CNNM2: variants seen among roughly 807,000 people sequenced by gnomAD.
CNNM2 encodes cyclin and CBS domain divalent metal cation transport mediator 2, also known as metal transporter CNNM2.
In CNNM2, 12 loss-of-function variants were observed where a neutral mutation model predicts 66.9. The observed-to-expected ratio is 0.18, with a 90% CI of 0.11 to 0.29. CNNM2 has a LOEUF of 0.29. Among genes scored for constraint, CNNM2 ranks in the 10% least tolerant of loss-of-function variants. The pLI, the probability that CNNM2 is intolerant of heterozygous loss-of-function variation, is 1.00. For missense variants in CNNM2, 705 were observed against 1,167.7 expected, an observed-to-expected ratio of 0.60 and a Z score of 5.77; for synonymous variants, 557 against 501.8, an observed-to-expected ratio of 1.11 and a Z score of -1.47.
chr10:102,960,572 G>C (rs2063363398), intron 1 of CNNM2, among the ~76,000 whole-genome samples: 1 of 151,926 alleles, frequency 6.6e-6, no homozygotes, highest in African/African-American at 2.4e-5. Context: ...ATTACACCGG[G>C]TTGTAATTTT....
chr10:102,925,352 G>C (rs2134159235), intron 1 of CNNM2, among the ~76,000 whole-genome samples: 1 of 133,606 alleles, frequency 7.5e-6, no homozygotes, highest in African/African-American at 2.7e-5. Flanking sequence ...CTTAATAAGA[G>C]TAAGGTCTTA....
intron 1 of CNNM2, among the ~76,000 whole-genome samples, chr10:103,003,139 G>A (rs568873641): frequency 6.9e-6 from 1 of 145,440 alleles, no homozygotes; most frequent in South Asian, 2.1e-4. Flanking sequence ...TTTAATAGGA[G>A]TCTCACTCTG....
intron 1 of CNNM2, among the ~76,000 whole-genome samples, chr10:102,932,220 T>A (rs74741974): frequency 1.3e-5 from 2 of 152,068 alleles, no homozygotes; most frequent in African/African-American, 2.4e-5. Flanking sequence ...TTTTTTTTTT[T>A]AACTCATTTT....
intron 1 of CNNM2, among the ~76,000 whole-genome samples, chr10:103,041,985 C>T (rs148733446): frequency 1.0e-3 from 157 of 152,264 alleles, no homozygotes; most frequent in Middle Eastern, 6.8e-3. Context: ...ACCTCTGTGT[C>T]TCTCTCTCTT....
chr10:103,009,102 C>T (rs557670719), intron 1 of CNNM2, among the ~76,000 whole-genome samples: 1 of 152,074 alleles, frequency 6.6e-6, no homozygotes, highest in African/African-American at 2.4e-5. Context: ...CATGGAGAAA[C>T]CCTGTCTCTA....
rs1246142915 is a variant in CNNM2, at chr10:102,933,359, CTAAG to C, written c.1621+13261_1621+13264del. Among the ~76,000 whole-genome samples, 1 of 152,018 alleles carries C rather than the reference CTAAG, an allele frequency of 6.6e-6. No homozygotes were observed. The highest frequency in any genetic ancestry group is 2.4e-5 in the African/African-American group (1 of 41,374). On this transcript the variant is annotated intron_variant, in intron 1 of 7. Coordinates refer to ENST00000369878, the MANE Select transcript of CNNM2 (RefSeq NM_017649.5). ...TGCAATCCTTTTGTTAAACTTATTC[CTAAG>C]TATTTTATTTTTTGATGCTATTATA... is the stretch of plus-strand genomic sequence containing the variant.
intron 1 of CNNM2, among the ~76,000 whole-genome samples, chr10:102,939,690 A>G (rs989500152): frequency 6.6e-6 from 1 of 152,152 alleles, no homozygotes; most frequent in Non-Finnish European, 1.5e-5. Flanking sequence ...CATAATAAAG[A>G]ACTGGCGGCC....
chr10:102,974,153 A>G lies in CNNM2; in HGVS notation c.1621+54052A>G, dbSNP rs187078822. On this transcript the variant is annotated intron_variant, in intron 1 of 7. Transcript: ENST00000369878. ...TTTGAAATTCTCTTCTTCACTTCAG[A>G]TGGAGGTGTGGGAGGGGATGTGTGG... Among the ~76,000 whole-genome samples, 6 of 152,206 alleles carry G rather than the reference A, an allele frequency of 3.9e-5. No individual in the cohort carries two copies. In the East Asian group the frequency reaches 1.2e-3, roughly 29 times the overall value.
chr10:102,960,172 C>T (rs923211172), intron 1 of CNNM2, among the ~76,000 whole-genome samples: 16 of 152,174 alleles, frequency 1.1e-4, no homozygotes, highest in East Asian at 5.8e-4. Context: ...CAGTGCCTGA[C>T]GCATGCTACG....
At chr10:103,000,346 C>T (rs1025053761) in intron 1 of CNNM2, among the ~76,000 whole-genome samples, 23 of 151,996 alleles carry the variant, frequency 1.5e-4, no homozygotes, top group African/African-American at 5.1e-4. Context: ...AATAGAATTA[C>T]CGTATGATCC....
In CNNM2 at chr10:103,056,926, C is replaced by A; in HGVS notation, c.2035C>A (p.Arg679Ser). 1 of 1,613,452 alleles carries A rather than the reference C, an allele frequency of 6.2e-7. No individual in the cohort carries two copies. Among genetic ancestry groups the A allele is most frequent in the Non-Finnish European group, 8.5e-7 (1 of 1,179,762 alleles). The change falls in exon 4 of 8, where the codon CGC (arginine) becomes AGC (serine). Residue 679 changes from arginine to serine, a missense_variant. Transcript: ENST00000369878. ...KKAPEYYLYQ[R>S]NKPVDYFVLI... is the part of the protein sequence containing the mutation. ...AGCCCCCGAATACTACCTCTACCAG[C>A]GCAACAAGCCAGTAGACTACTTCGT...
rs2134438269 is a variant in CNNM2, at chr10:103,089,452, T to C, written c.*12272T>C. 1 of 657,324 alleles carries C rather than the reference T, an allele frequency of 1.5e-6. No homozygotes were observed. The highest frequency in any genetic ancestry group is 3.9e-5 in the South Asian group (1 of 25,500). The allele number at this position is 657,324 out of a possible 1,614,324, so 40.7% of individuals were successfully genotyped here. ...GCCTGATTTTACCCTTATTTTCTTC[T>C]AATACAGACTCCATTACAATTTTGG... On this transcript the variant is annotated 3_prime_UTR_variant, in exon 8 of 8. Transcript: ENST00000369878.
At chr10:103,009,652 A>G (rs1408679165) in intron 1 of CNNM2, among the ~76,000 whole-genome samples, 1 of 142,876 alleles carries the variant, frequency 7.0e-6, no homozygotes, top group Non-Finnish European at 1.5e-5. Flanking sequence ...TGATCATACC[A>G]CTACATTCTA....
intron 1 of CNNM2, among the ~76,000 whole-genome samples, chr10:103,007,071 A>G (rs2064243269): frequency 6.6e-6 from 1 of 152,212 alleles, no homozygotes; most frequent in Admixed American, 6.5e-5. Context: ...TAGAGTACAA[A>G]TAGAGGAATT....
In CNNM2 at chr10:103,089,113, C is replaced by T; in HGVS notation, c.*11933C>T. The T allele has an allele frequency of 4.4e-6, 1 of 227,434 alleles. No individual in the cohort carries two copies. Among genetic ancestry groups the T allele is most frequent in the Non-Finnish European group, 8.7e-6 (1 of 114,480 alleles). The allele number at this position is 227,434 out of a possible 1,614,324, so 14.1% of individuals were successfully genotyped here. The stretch of plus-strand genomic sequence containing the variant: ...AGTAGAGCATACTTCTGTGCAAAGC[C>T]AGTGATAGAGAAGCAGCCTTGCCAG... On this transcript the variant is annotated 3_prime_UTR_variant, in exon 8 of 8. Coordinates refer to ENST00000369878, the MANE Select transcript of CNNM2 (RefSeq NM_017649.5).
At chr10:103,076,053 C>T in intron 6 of CNNM2, 33 bp from the exon 7 acceptor site, 2 of 1,583,540 alleles carry the variant, frequency 1.3e-6, no homozygotes, top group African/African-American at 2.7e-5. Context: ...ATCTACTTCA[C>T]TTAAACAGTT....
intron 1 of CNNM2, among the ~76,000 whole-genome samples, chr10:102,947,624 G>C (rs918967687): frequency 6.6e-6 from 1 of 152,026 alleles, no homozygotes; most frequent in African/African-American, 2.4e-5. Context: ...AGTGGTGCAC[G>C]CCTGTAATCC....
chr10:103,000,682 A>G (rs1200164118), intron 1 of CNNM2, among the ~76,000 whole-genome samples: 1 of 152,028 alleles, frequency 6.6e-6, no homozygotes, highest in Non-Finnish European at 1.5e-5. Flanking sequence ...CTGACCTCAA[A>G]TGATCCACTG....
At chr10:103,003,985 A>ATTTTTTT (rs869152743) in intron 1 of CNNM2, among the ~76,000 whole-genome samples, 5 of 83,968 alleles carry the variant, frequency 6.0e-5, no homozygotes, top group African/African-American at 9.6e-5. Context: ...CATTGCATGA[A>ATTTTTTT]TTTTTTTTTT....
Sources: allele counts gnomAD v4.1 joint callset (sites outside exome capture counted in the v4.1 genomes callset), GRCh38; gene constraint gnomAD v4.1.1; transcripts MANE v1.5; gene names NCBI Gene and HGNC (gene_info 2026-07-23, HGNC 2026-07-21).